The following ARMC9 variants were observed in gnomAD, a reference collection of about 807,000 sequenced individuals.
ARMC9 encodes lisH domain-containing protein ARMC9.
ARMC9 carries 94 observed loss-of-function variants against 107.0 expected under a neutral mutation model. That is an observed-to-expected ratio of 0.88 (90% CI 0.74 to 1.04). The LOEUF (loss-of-function observed/expected upper bound fraction) is 1.04, where lower values mean the gene tolerates loss of function less well. ARMC9 is among the 50% of genes least tolerant of loss of function. The pLI, the probability that ARMC9 is intolerant of heterozygous loss-of-function variation, is 0.00. For synonymous variants in ARMC9, 380 were observed against 396.9 expected, an observed-to-expected ratio of 0.96 and a Z score of 0.51; for missense variants, 942 against 1,030.1, an observed-to-expected ratio of 0.91 and a Z score of 1.17.
rs188380577 is a variant in ARMC9 at position 231,261,542 on chromosome 2, C to T, written c.1027-764C>T. 8.7e-4 allele frequency among the ~76,000 whole-genome samples: 132 copies of T among 152,292 alleles called. 1 individual carries two copies. Among genetic ancestry groups the T allele is most frequent in the Admixed American group, 4.2e-3 (65 of 15,304 alleles). ...AGTGCTCTACAGTCAGCCCTGGGCCCCTCCCACTGAGCCCACTCCACTGTG... is the reference window on the plus strand; with the variant it reads ...AGTGCTCTACAGTCAGCCCTGGGCCTCTCCCACTGAGCCCACTCCACTGTG... On this transcript the variant is annotated intron_variant, in intron 11 of 24. Coordinates refer to ENST00000611582, the MANE Select transcript of ARMC9 (RefSeq NM_001352754.2).
Position 231,262,381 on chromosome 2 carries a change from T to A in ARMC9, c.1102T>A (p.Cys368Ser). ...CTACATCAGCAATGACCTCTTGGAC[T>A]GTTATAGCCACAACCAGGTTGGTAA... ...QAYISNDLLDCYSHNQRSVLQ... is the reference protein window; with the variant it reads ...QAYISNDLLDSYSHNQRSVLQ... The change falls in exon 12 of 25, where the codon TGT becomes AGT. Residue 368 changes from cysteine (C) to serine (S), a missense_variant. Coordinates refer to ENST00000611582, the MANE Select transcript of ARMC9 (RefSeq NM_001352754.2). 6.2e-7 allele frequency: 1 copy of A among 1,614,160 alleles called. No homozygotes were observed. The highest frequency in any genetic ancestry group is 8.5e-7 in the Non-Finnish European group (1 of 1,179,998).
chr2:231,230,805 A>G (rs751243189), intron 7 of ARMC9, among the ~76,000 whole-genome samples: 78 of 152,350 alleles, frequency 5.1e-4, no homozygotes, highest in Middle Eastern at 3.4e-3. Flanking sequence ...TTTGTTTACG[A>G]CATGAAAATG....
At chr2:231,306,976 T>A (rs1303843516) in intron 19 of ARMC9, among the ~76,000 whole-genome samples, 1 of 152,156 alleles carries the variant, frequency 6.6e-6, no homozygotes, top group Non-Finnish European at 1.5e-5. Flanking sequence ...GGCCCAAGGA[T>A]GGTGCTCAGG....
intron 18 of ARMC9, chr2:231,293,746 C>T (rs1367247329): frequency 6.6e-6 from 1 of 152,194 alleles, no homozygotes; most frequent in Non-Finnish European, 1.5e-5. Context: ...AAGTATTTAT[C>T]TTTCTATCTC....
intron 19 of ARMC9, among the ~76,000 whole-genome samples, chr2:231,296,836 G>A (rs2041406452): frequency 6.6e-6 from 1 of 152,202 alleles, no homozygotes; most frequent in South Asian, 2.1e-4. Context: ...ACTGTAGTTG[G>A]ATTTTCAGAT....
intron 19 of ARMC9, among the ~76,000 whole-genome samples, chr2:231,315,129 C>T (rs891470210): frequency 2.0e-5 from 3 of 150,764 alleles, no homozygotes; most frequent in African/African-American, 7.4e-5. Flanking sequence ...GTCCCAGTTA[C>T]TTGGGAGGCT....
At chr2:231,210,172 G>C (rs1359732741) in intron 3 of ARMC9, among the ~76,000 whole-genome samples, 1 of 152,200 alleles carries the variant, frequency 6.6e-6, no homozygotes, top group Non-Finnish European at 1.5e-5. Context: ...GTGGCCCGTG[G>C]AGCTCAAGGC....
intron 14 of ARMC9, among the ~76,000 whole-genome samples, chr2:231,274,930 C>T (rs2039634732): frequency 1.3e-5 from 2 of 152,104 alleles, no homozygotes; most frequent in African/African-American, 2.4e-5. Context: ...CACTTCATTT[C>T]TTTTTGTTTA....
intron 2 of ARMC9, among the ~76,000 whole-genome samples, chr2:231,207,401 C>T (rs1485121917): frequency 2.6e-5 from 4 of 152,090 alleles, no homozygotes; most frequent in African/African-American, 4.8e-5. Flanking sequence ...CTCAAGCGAT[C>T]CTCCTACCTC....
intron 12 of ARMC9, among the ~76,000 whole-genome samples, chr2:231,268,250 C>CT: frequency 6.6e-6 from 1 of 152,284 alleles, no homozygotes; most frequent in South Asian, 2.1e-4. Context: ...TGTTCTGTTT[C>CT]TTTATCTGGT....
In ARMC9 at chr2:231,239,958, C is replaced by G. The variant is rs1365093546; in HGVS notation, c.796C>G (p.Leu266Val). The change falls in exon 9 of 25, where the codon CTC (leucine) becomes GTC (valine). Residue 266 changes from leucine (L) to valine (V), a missense_variant. Transcript: ENST00000611582. Reference protein sequence around the residue: ...VSGKMITPEYLQSVCVRLFSN... With the variant: ...VSGKMITPEYVQSVCVRLFSN... Reference sequence around the variant, plus strand: ...CTCCTTGCAGATCACCCCTGAGTACCTCCAGAGCGTCTGTGTCCGCCTGTT... The same window carrying G: ...CTCCTTGCAGATCACCCCTGAGTACGTCCAGAGCGTCTGTGTCCGCCTGTT... 6.2e-7 allele frequency: 1 copy of G among 1,613,942 alleles called. No individual in the cohort carries two copies. The highest frequency in any genetic ancestry group is 8.5e-7 in the Non-Finnish European group (1 of 1,179,980).
At chr2:231,231,710 A>G (rs2035238261) in intron 7 of ARMC9, among the ~76,000 whole-genome samples, 1 of 141,868 alleles carries the variant, frequency 7.0e-6, no homozygotes, top group Admixed American at 7.0e-5. Flanking sequence ...TTTTTTTGAG[A>G]TGAAGTCTGG....
At chr2:231,268,552 A>G (rs1360241603) in intron 12 of ARMC9, among the ~76,000 whole-genome samples, 2 of 152,106 alleles carry the variant, frequency 1.3e-5, no homozygotes, top group East Asian at 1.9e-4. Flanking sequence ...GTCCCATATT[A>G]TCTTATTTCT....
At chr2:231,235,462 G>T in intron 8 of ARMC9, 81 bp downstream of exon 8, 2 of 1,489,398 alleles carry the variant, frequency 1.3e-6, no homozygotes, top group Non-Finnish European at 1.8e-6. Flanking sequence ...GATATGGCAG[G>T]TGGAGCCTGC....
intron 20 of ARMC9, among the ~76,000 whole-genome samples, chr2:231,344,619 T>C (rs1350070717): frequency 6.6e-6 from 1 of 152,214 alleles, no homozygotes; most frequent in Non-Finnish European, 1.5e-5. Context: ...TGTGGAAATG[T>C]TCGTATTTTT....
At position 231,226,769 on chromosome 2, in the gene ARMC9, C is replaced by T. The variant is rs2034684660; in HGVS notation, c.598-5C>T. ...CTGTTTTCCTGAACTTCTTTTTCAT[C>T]CCAGAAGGAGAATGGACAAAGTAAC... On this transcript the variant is annotated splice_polypyrimidine_tract_variant and splice_region_variant and intron_variant, in intron 6 of 24. Coordinates refer to ENST00000611582, the MANE Select transcript of ARMC9 (RefSeq NM_001352754.2). 6.2e-7 allele frequency: 1 copy of T among 1,613,394 alleles called. No individual in the cohort carries two copies. Among genetic ancestry groups the T allele is most frequent in the Non-Finnish European group, 8.5e-7 (1 of 1,179,596 alleles).
At chr2:231,272,173 T>TGTGTGTGTG (rs2039379973) in intron 13 of ARMC9, among the ~76,000 whole-genome samples, 1 of 150,262 alleles carries the variant, frequency 6.7e-6, no homozygotes, top group African/African-American at 2.5e-5. Context: ...GTTTTGTGTG[T>TGTGTGTGTG]GTGTGTGTGT....
intron 17 of ARMC9, among the ~76,000 whole-genome samples, chr2:231,287,267 C>G (rs562962486): frequency 2.6e-5 from 4 of 152,342 alleles, no homozygotes; most frequent in African/African-American, 7.2e-5. Context: ...CCCCACCCAA[C>G]AGAATGATGT....
intron 17 of ARMC9, chr2:231,288,777 G>C (rs2040791377): frequency 6.4e-6 from 3 of 468,586 alleles, no homozygotes; most frequent in Admixed American, 2.4e-5. Context: ...ACCGTGGTTT[G>C]ACTCCAGAGC....
Sources: allele counts gnomAD v4.1 joint callset (sites outside exome capture counted in the v4.1 genomes callset), GRCh38; gene constraint gnomAD v4.1.1; transcripts MANE v1.5; gene names NCBI Gene and HGNC (gene_info 2026-07-23, HGNC 2026-07-21).